The following ZNF653 variants were observed in gnomAD, a reference collection of about 807,000 sequenced individuals.
ZNF653 encodes 67 kDa zinc finger protein.
Under a neutral mutation model 59.9 loss-of-function variants are expected in ZNF653, and 37 were observed. The ratio of observed to expected loss-of-function variants is 0.62; its 90% CI spans 0.48 to 0.81. The LOEUF (loss-of-function observed/expected upper bound fraction) is 0.81, where lower values mean the gene tolerates loss of function less well. Among genes scored for constraint, ZNF653 ranks in the 40% least tolerant of loss-of-function variants. The probability of loss-of-function intolerance (pLI) is 0.00; values close to 1 mark genes in which losing one functional copy is unlikely to be tolerated. For synonymous variants in ZNF653, 435 were observed against 371.8 expected (o/e 1.17, Z -1.96); for missense variants, 808 against 881.1 (o/e 0.92, Z 1.05).
In ZNF653 at chr19:11,505,157, G is replaced by T. The variant is rs568884802; in HGVS notation, c.299+331C>A. On this transcript the variant is annotated intron_variant, in intron 1 of 8. Coordinates refer to ENST00000293771, the MANE Select transcript of ZNF653 (RefSeq NM_138783.4). Reference sequence around the variant, plus strand: ...ATGAGACCGGTGAGGGGGCGGGGCTGCCCCCCCAGGGCCTGGTTAGTTACA... The same window carrying T: ...ATGAGACCGGTGAGGGGGCGGGGCTTCCCCCCCAGGGCCTGGTTAGTTACA... 9 of 268,716 alleles carry T rather than the reference G, an allele frequency of 3.3e-5. No individual in the cohort carries two copies. In the South Asian group the frequency reaches 7.3e-4, roughly 22 times the overall value. 16.6% of individuals were successfully genotyped at this position (268,716 alleles called of 1,614,324 possible). A position where few individuals can be genotyped will look rare whatever the true frequency, so the allele number is the denominator to read the frequency against.
intron 2 of ZNF653, 27 bp downstream of exon 2, chr19:11,498,269 C>T: frequency 6.2e-7 from 1 of 1,613,840 alleles, no homozygotes; most frequent in Non-Finnish European, 8.5e-7. Context: ...ACTCTCCCCA[C>T]CTCCCCCAGG....
intron 1 of ZNF653, chr19:11,500,536 GT>G (rs1971632966): frequency 6.6e-6 from 1 of 152,316 alleles, no homozygotes; most frequent in African/African-American, 2.4e-5. Flanking sequence ...ATTTCGCTAT[GT>G]TGGCCAGACT....
intron 1 of ZNF653, chr19:11,504,358 G>A (rs1056285834): frequency 5.2e-6 from 1 of 190,630 alleles, no homozygotes; most frequent in African/African-American, 2.4e-5. Context: ...CGGAGATCGT[G>A]CCACTGCACT....
At chr19:11,488,369 T>C (rs1568394088) in intron 3 of ZNF653, among the ~76,000 whole-genome samples, 1 of 151,980 alleles carries the variant, frequency 6.6e-6, no homozygotes, top group Non-Finnish European at 1.5e-5. Flanking sequence ...CTCGATCTCC[T>C]GACCTCGTGA....
At chr19:11,502,608 A>G (rs1437153406) in intron 1 of ZNF653, among the ~76,000 whole-genome samples, 1 of 152,138 alleles carries the variant, frequency 6.6e-6, no homozygotes, top group African/African-American at 2.4e-5. Context: ...AGGTGGGAGG[A>G]TCTCTTGAGT....
At chr19:11,499,939 A>G (rs569096807) in intron 1 of ZNF653, among the ~76,000 whole-genome samples, 1 of 152,200 alleles carries the variant, frequency 6.6e-6, no homozygotes, top group African/African-American at 2.4e-5. Context: ...ACAAAAACAA[A>G]CAAAAAACGA....
Position 11,483,814 on chromosome 19 carries a change from G to A in ZNF653, c.1716C>T (p.Asn572=), listed in dbSNP as rs1258840671. 1 of 1,608,920 alleles carries A rather than the reference G, an allele frequency of 6.2e-7. No homozygotes were observed. Among genetic ancestry groups the A allele is most frequent in the Non-Finnish European group, 8.5e-7 (1 of 1,177,800 alleles). The change falls in exon 9 of 9, where the codon AAC becomes AAT. Residue 572 remains asparagine (N), a synonymous_variant. Coordinates refer to ENST00000293771, the MANE Select transcript of ZNF653 (RefSeq NM_138783.4). ...CCGCAGTGTGCTTCTTCATGTGCCA[G>A]TTGAGCGACGCGCGCTGCCGGCACT... ...GYQCRQRASL[N]WHMKKHTAEV...
At chr19:11,504,675 T>G in intron 1 of ZNF653, 1 of 596,510 alleles carries the variant, frequency 1.7e-6, no homozygotes, top group Non-Finnish European at 2.1e-6. Context: ...GAACAAGGAT[T>G]TCCTTGCGGC....
chr19:11,493,982 G>A (rs1246119842), intron 3 of ZNF653, among the ~76,000 whole-genome samples: 1 of 151,834 alleles, frequency 6.6e-6, no homozygotes, highest in Non-Finnish European at 1.5e-5. Flanking sequence ...TGGCACCACT[G>A]CACTCCAGCC....
rs1568393992 is a variant in ZNF653, at chr19:11,488,049, G to A, written c.560-146C>T. On this transcript the variant is annotated intron_variant, in intron 3 of 8. Transcript: ENST00000293771. ...GTCACCCAGGCTGGAGTGCAGTGGT[G>A]CGATCTCAGCTCACTGCAACCTTGG... The A allele has an allele frequency of 3.8e-6, 3 of 783,722 alleles. No homozygotes were observed. In the Admixed American group the frequency reaches 1.4e-4, roughly 36 times the overall value. The allele number at this position is 783,722 out of a possible 1,614,324, so 48.5% of individuals were successfully genotyped here.
rs768292723 is a variant in ZNF653 at position 11,487,868 on chromosome 19, A to G, written c.595T>C (p.Ser199Pro). 4 of 1,605,622 alleles carry G rather than the reference A, an allele frequency of 2.5e-6. No individual in the cohort carries two copies. In the African/African-American group the frequency reaches 5.4e-5, roughly 21 times the overall value. ...NGLVAGSSDS[S>P]SSGSASDSEE... ...GAGTCAGAGGCAGAGCCAGAGCTGG[A>G]TGAGTCAGAGCTGCCAGCCACCAGC... The change falls in exon 4 of 9, where the codon TCC (serine) becomes CCC (proline). Residue 199 changes from serine (S) to proline (P), a missense_variant. Transcript: ENST00000293771. The surrounding 1 kb of genome is among the most constrained non-coding windows in gnomAD (Gnocchi z 5.1).
intron 6 of ZNF653, 67 bp from the exon 7 acceptor site, chr19:11,485,837 G>T: frequency 1.6e-6 from 2 of 1,273,000 alleles, no homozygotes; most frequent in Non-Finnish European, 2.3e-6. Flanking sequence ...GGTGGGGAGA[G>T]ATGAGGGCAG....
rs1324748177 is a variant in ZNF653, at chr19:11,487,255, C to A, written c.1171+37G>T. On this transcript the variant is annotated intron_variant, in intron 4 of 8. Coordinates refer to ENST00000293771, the MANE Select transcript of ZNF653 (RefSeq NM_138783.4). This position sits in a 1 kb window ranked among gnomAD's most constrained non-coding sequence, Gnocchi z 5.1. The stretch of plus-strand genomic sequence containing the variant: ...CTCGCCCGGCCCCTCCCAGGCCCAA[C>A]CACCCCTGGCCAGAGGCCACGACAG... 2.3e-5 allele frequency: 36 copies of A among 1,599,774 alleles called. No homozygotes were observed. The highest frequency in any genetic ancestry group is 3.0e-5 in the Non-Finnish European group (35 of 1,172,072).
chr19:11,489,224 G>C (rs1032904549), intron 3 of ZNF653, among the ~76,000 whole-genome samples: 15 of 151,062 alleles, frequency 9.9e-5, no homozygotes, highest in Admixed American at 7.9e-4. Context: ...TTTTGAGATG[G>C]AGTCTCCCTC....
At chr19:11,486,944 G>A (rs371135155) in intron 5 of ZNF653, 43 bp downstream of exon 5, 59 of 1,610,818 alleles carry the variant, frequency 3.7e-5, no homozygotes, top group Middle Eastern at 1.7e-4. Flanking sequence ...CCTGCGGGCC[G>A]CTTCTAGCCC....
At chr19:11,494,042 C>T (rs1226210893) in intron 3 of ZNF653, among the ~76,000 whole-genome samples, 1 of 151,282 alleles carries the variant, frequency 6.6e-6, no homozygotes, top group African/African-American at 2.4e-5. Context: ...AAATAAAAAG[C>T]CAGGTATGGT....
intron 1 of ZNF653, among the ~76,000 whole-genome samples, chr19:11,499,641 G>A (rs895601856): frequency 6.7e-6 from 1 of 150,178 alleles, no homozygotes; most frequent in East Asian, 1.9e-4. Flanking sequence ...GCCAGGCTCC[G>A]TGGCTCATTC....
At chr19:11,496,194 T>A in intron 2 of ZNF653, 29 bp from the exon 3 acceptor site, 1 of 1,607,350 alleles carries the variant, frequency 6.2e-7, no homozygotes, top group South Asian at 1.1e-5. Context: ...GGAGTGGGTA[T>A]AAGGGACAGG....
At chr19:11,486,299 G>A (rs568626113) in intron 6 of ZNF653, among the ~76,000 whole-genome samples, 3 of 152,304 alleles carry the variant, frequency 2.0e-5, no homozygotes, top group South Asian at 2.1e-4. Context: ...GCCAGGCTCT[G>A]GACTGGGGTA....
Sources: allele counts gnomAD v4.1 joint callset (sites outside exome capture counted in the v4.1 genomes callset), GRCh38; gene constraint gnomAD v4.1.1; non-coding constraint Gnocchi (gnomAD v3.1); transcripts MANE v1.5; gene names NCBI Gene and HGNC (gene_info 2026-07-23, HGNC 2026-07-21).